OPHN1: variants seen among roughly 807,000 people sequenced by gnomAD.
OPHN1 encodes the protein oligophrenin 1, also known as oligophrenin-1.
Under a neutral mutation model 60.7 loss-of-function variants are expected in OPHN1, and 11 were observed. The ratio of observed to expected loss-of-function variants is 0.18; its 90% CI spans 0.11 to 0.30. The LOEUF is 0.30. Among genes scored for constraint, OPHN1 ranks in the 10% least tolerant of loss-of-function variants. The pLI is 1.00. For missense variants in OPHN1, 449 were observed against 611.0 expected (o/e 0.73, Z 2.80); for synonymous variants, 226 against 222.6 (o/e 1.02, Z -0.14).
intron 18 of OPHN1, among the ~76,000 whole-genome samples, chrX:68,110,898 C>T (rs755706107): frequency 1.1e-3 from 119 of 111,240 alleles, no homozygotes; most frequent in African/African-American, 3.9e-3. Flanking sequence ...AATAGGAAAA[C>T]TCGAGGTCCA....
intron 21 of OPHN1, among the ~76,000 whole-genome samples, chrX:68,063,311 G>A (rs1208027892): frequency 3.6e-5 from 4 of 111,000 alleles, no homozygotes; most frequent in East Asian, 2.9e-4. Context: ...ACCTGAGGTC[G>A]AGAGTTTGAG....
intron 3 of OPHN1, among the ~76,000 whole-genome samples, chrX:68,287,807 T>G (rs966796056): frequency 8.9e-6 from 1 of 112,180 alleles, no homozygotes; most frequent in Non-Finnish European, 1.9e-5. Context: ...TGCAAAATTT[T>G]GGTTCGTTTT....
intron 2 of OPHN1, among the ~76,000 whole-genome samples, chrX:68,306,761 C>T (rs1002610043): frequency 1.8e-5 from 2 of 111,603 alleles, no homozygotes; most frequent in Admixed American, 9.5e-5. Flanking sequence ...CTCATTGTGT[C>T]ACCCAGGCTG....
chrX:68,410,477 G>A (rs953009309), intron 2 of OPHN1, among the ~76,000 whole-genome samples: 7 of 109,761 alleles, frequency 6.4e-5, no homozygotes, highest in African/African-American at 2.0e-4. Context: ...CAGGAGAATC[G>A]CTTGAACCCA....
chrX:68,154,724 G>A (rs1163206322), intron 15 of OPHN1, among the ~76,000 whole-genome samples: 6 of 111,450 alleles, frequency 5.4e-5, no homozygotes, highest in Admixed American at 2.9e-4. Context: ...AGGTCAATAC[G>A]TCTATGTATT....
intron 2 of OPHN1, among the ~76,000 whole-genome samples, chrX:68,399,680 TAA>T: frequency 2.4e-5 from 1 of 41,013 alleles, no homozygotes; most frequent in Admixed American, 2.7e-4. Flanking sequence ...AATAAATAAA[TAA>T]AAATAAATAA....
intron 2 of OPHN1, among the ~76,000 whole-genome samples, chrX:68,369,203 T>G (rs2078514686): frequency 9.2e-6 from 1 of 108,286 alleles, no homozygotes; most frequent in Admixed American, 9.9e-5. Flanking sequence ...GTGAGACTCC[T>G]CGAAAAAAAA....
intron 18 of OPHN1, 52 bp downstream of exon 18, chrX:68,111,802 A>G: frequency 1.2e-6 from 1 of 862,697 alleles, no homozygotes; most frequent in Non-Finnish European, 1.7e-6. Context: ...GTCCAACCAC[A>G]TGGGCCAGTC....
At chrX:68,302,966 A>G (rs1228180565) in intron 2 of OPHN1, among the ~76,000 whole-genome samples, 1 of 111,279 alleles carries the variant, frequency 9.0e-6, no homozygotes, top group Non-Finnish European at 1.9e-5. Flanking sequence ...CACATTTGCA[A>G]TAGCTACAAA....
chrX:68,171,474 G>A (rs1218239298), intron 15 of OPHN1, among the ~76,000 whole-genome samples: 3 of 111,582 alleles, frequency 2.7e-5, no homozygotes, highest in African/African-American at 9.8e-5. Flanking sequence ...GGTGGCTAAC[G>A]CCTGTAATCC....
chrX:68,389,980 C>T, intron 2 of OPHN1, among the ~76,000 whole-genome samples: 1 of 111,547 alleles, frequency 9.0e-6, no homozygotes. Flanking sequence ...CCTCAGGAAA[C>T]TTACAACAGA....
chrX:68,159,606 C>A (rs12014710), intron 15 of OPHN1, among the ~76,000 whole-genome samples: 18,590 of 111,134 alleles, frequency 0.17, 1,387 homozygotes, highest in East Asian at 0.37. Flanking sequence ...CAAAAGTAAT[C>A]ATTGTAATAA....
intron 15 of OPHN1, among the ~76,000 whole-genome samples, chrX:68,148,819 C>T (rs1355916749): frequency 6.3e-5 from 7 of 110,304 alleles, no homozygotes; most frequent in African/African-American, 2.3e-4. Flanking sequence ...TGCCTTGGGC[C>T]CAGGATACTG....
Position 68,433,220 on chromosome X carries a change from C to T in OPHN1, c.-57G>A, listed in dbSNP as rs941181102. The T allele has an allele frequency of 4.7e-6, 2 of 429,521 alleles. No individual in the cohort carries two copies. The highest frequency in any genetic ancestry group is 3.9e-6 in the Non-Finnish European group (1 of 254,719). The allele number at this position is 429,521 out of a possible 1,213,427, so 35.4% of individuals were successfully genotyped here. A position where few individuals can be genotyped will look rare whatever the true frequency, so the allele number is the denominator to read the frequency against. ...CTGGCTGGTCCGGACAGAGAACAGG[C>T]GCCCCGGCGATGGCTTCAGGGCCAG... On this transcript the variant is annotated 5_prime_UTR_variant, in exon 1 of 25. Coordinates refer to ENST00000355520, the MANE Select transcript of OPHN1 (RefSeq NM_002547.3).
intron 2 of OPHN1, among the ~76,000 whole-genome samples, chrX:68,346,707 G>A (rs149001375): frequency 4.5e-4 from 50 of 112,246 alleles, no homozygotes; most frequent in African/African-American, 1.4e-3. Flanking sequence ...TCCACAATAA[G>A]TTTCCAGCAG....
intron 2 of OPHN1, among the ~76,000 whole-genome samples, chrX:68,309,850 C>T (rs1468613316): frequency 8.9e-6 from 1 of 111,760 alleles, no homozygotes; most frequent in African/African-American, 3.3e-5. Context: ...GAAGTACTAT[C>T]TGGTGGTCCT....
intron 5 of OPHN1, among the ~76,000 whole-genome samples, chrX:68,270,453 G>A (rs1425513319): frequency 9.2e-6 from 1 of 109,240 alleles, no homozygotes; most frequent in African/African-American, 3.3e-5. Flanking sequence ...CATGGATGAA[G>A]CTGGAAACCA....
chrX:68,291,630 C>A (rs958847930), intron 3 of OPHN1, among the ~76,000 whole-genome samples: 1 of 110,549 alleles, frequency 9.0e-6, no homozygotes, highest in Non-Finnish European at 1.9e-5. Flanking sequence ...GAACTGAGAC[C>A]AGGGCTCCAA....
intron 15 of OPHN1, among the ~76,000 whole-genome samples, chrX:68,169,945 C>T (rs1329324942): frequency 9.2e-6 from 1 of 108,447 alleles, no homozygotes; most frequent in Non-Finnish European, 1.9e-5. Context: ...TCTAATTAAA[C>T]TAAAGAGCTT....
Sources: gnomAD v4.1 joint callset for allele counts (sites outside exome capture counted in the v4.1 genomes callset) on GRCh38, gnomAD v4.1.1 for gene constraint, MANE v1.5 for transcripts, NCBI Gene and HGNC (gene_info 2026-07-23, HGNC 2026-07-21) for gene names.